The following DOCK2 variants were observed in gnomAD, a reference collection of about 807,000 sequenced individuals.
The protein encoded by DOCK2 is dedicator of cytokinesis protein 2.
A neutral mutation model predicts 248.9 loss-of-function variants in DOCK2; 87 were observed. The observed-to-expected ratio is 0.35, with a 90% CI of 0.29 to 0.42. DOCK2 has a LOEUF of 0.42. Ranked by LOEUF, DOCK2 falls within the 10% of genes least tolerant of loss-of-function variation. DOCK2 has a pLI of 1.00. For missense variants in DOCK2, 1,747 were observed against 2,300.2 expected (o/e 0.76, Z 4.92); for synonymous variants, 805 against 821.6 (o/e 0.98, Z 0.35).
chr5:169,686,911 G>A (rs1349487884), intron 8 of DOCK2, among the ~76,000 whole-genome samples: 1 of 152,162 alleles, frequency 6.6e-6, no homozygotes, highest in African/African-American at 2.4e-5. Flanking sequence ...GTGATGAGGA[G>A]TTGGAATAGT....
At chr5:169,857,164 A>G (rs1444945264) in intron 27 of DOCK2, among the ~76,000 whole-genome samples, 2 of 152,232 alleles carry the variant, frequency 1.3e-5, no homozygotes, top group African/African-American at 4.8e-5. Flanking sequence ...AGAATGGACT[A>G]GGTCACATGT....
chr5:169,869,196 A>T (rs529082842), intron 27 of DOCK2, among the ~76,000 whole-genome samples: 4 of 151,334 alleles, frequency 2.6e-5, no homozygotes, highest in African/African-American at 9.7e-5. Flanking sequence ...CAGCAGCATC[A>T]CTCCTCACCC....
chr5:169,755,971 C>T (rs1246950617), intron 23 of DOCK2, among the ~76,000 whole-genome samples: 1 of 152,128 alleles, frequency 6.6e-6, no homozygotes, highest in East Asian at 1.9e-4. Flanking sequence ...CTGACCGTGA[C>T]AACAGTCTTG....
intron 8 of DOCK2, among the ~76,000 whole-genome samples, chr5:169,686,338 G>A (rs193169562): frequency 6.6e-6 from 1 of 152,332 alleles, no homozygotes; most frequent in Admixed American, 6.5e-5. Flanking sequence ...GACCAGCTCT[G>A]TGGAGGGAGA....
intron 38 of DOCK2, among the ~76,000 whole-genome samples, chr5:170,043,758 GC>G (rs1477274233): frequency 1.3e-5 from 2 of 152,324 alleles, no homozygotes; most frequent in East Asian, 3.9e-4. Context: ...TTGTTTATCA[GC>G]TGATTAAGTA....
chr5:169,911,546 A>G (rs911803988), intron 27 of DOCK2, among the ~76,000 whole-genome samples: 10 of 152,200 alleles, frequency 6.6e-5, no homozygotes, highest in African/African-American at 2.4e-4. Context: ...ACAGTTTGAG[A>G]TAAAACTTTA....
intron 27 of DOCK2, among the ~76,000 whole-genome samples, chr5:169,978,455 A>ATGTT (rs1188338675): frequency 6.8e-6 from 1 of 147,796 alleles, no homozygotes; most frequent in Admixed American, 6.9e-5. Context: ...TTTAAGTTGA[A>ATGTT]TGTTGTACAC....
intron 26 of DOCK2, among the ~76,000 whole-genome samples, chr5:169,838,787 G>A (rs1215919052): frequency 3.3e-5 from 5 of 152,152 alleles, no homozygotes; most frequent in Non-Finnish European, 7.3e-5. Flanking sequence ...GGCTCCACAG[G>A]GCTAGAGAGT....
At chr5:170,013,838 G>A (rs1755403727) in intron 32 of DOCK2, among the ~76,000 whole-genome samples, 1 of 152,050 alleles carries the variant, frequency 6.6e-6, no homozygotes, top group African/African-American at 2.4e-5. Flanking sequence ...CCAGTAGCTG[G>A]GGTTAAAACC....
intron 27 of DOCK2, chr5:169,864,267 AC>A: frequency 1.3e-6 from 2 of 1,551,146 alleles, no homozygotes; most frequent in Non-Finnish European, 8.7e-7. Context: ...GATGGTCCCA[AC>A]CAGCTCAGAT....
chr5:169,901,502 T>C lies in DOCK2; in HGVS notation c.2799+60650T>C, dbSNP rs76878935. Among the ~76,000 whole-genome samples the C allele has an allele frequency of 8.0e-3, 1,224 of 152,286 alleles. 16 individuals carry two copies. Among genetic ancestry groups the C allele is most frequent in the African/African-American group, 0.028 (1,162 of 41,542 alleles). ...CACGTTTGCATTTTAAAATGATTTT[T>C]CTGGTTTTTCTGAGAAAATGGACTG... On this transcript the variant is annotated intron_variant, in intron 27 of 51. Transcript: ENST00000520908.
At chr5:169,791,108 G>A (rs757810563) in intron 25 of DOCK2, among the ~76,000 whole-genome samples, 2 of 152,082 alleles carry the variant, frequency 1.3e-5, no homozygotes, top group Non-Finnish European at 2.9e-5. Context: ...CTAAATACGG[G>A]CCCCTTATTT....
At chr5:169,657,538 A>T (rs1261976278) in intron 2 of DOCK2, among the ~76,000 whole-genome samples, 2 of 152,236 alleles carry the variant, frequency 1.3e-5, no homozygotes, top group African/African-American at 4.8e-5. Flanking sequence ...ATTTATAAAA[A>T]TTGATATTAA....
rs147237758 is a variant in DOCK2, at chr5:169,906,724, T to G, written c.2799+65872T>G. The stretch of plus-strand genomic sequence containing the variant: ...GACCAGTCATCTAAGCCCATTATCT[T>G]TCTGCCAAATCACAGGGAAGACCAT... On this transcript the variant is annotated intron_variant, in intron 27 of 51. Transcript: ENST00000520908. Among the ~76,000 whole-genome samples the G allele has an allele frequency of 2.0e-3, 308 of 152,284 alleles. 1 individual carries two copies. Among genetic ancestry groups the G allele is most frequent in the African/African-American group, 7.0e-3 (293 of 41,562 alleles).
At chr5:169,899,611 C>T (rs1031509528) in intron 27 of DOCK2, among the ~76,000 whole-genome samples, 24 of 152,210 alleles carry the variant, frequency 1.6e-4, no homozygotes, top group Admixed American at 1.1e-3. Flanking sequence ...CTAGGAAGGC[C>T]CTGGGCTTTG....
intron 27 of DOCK2, among the ~76,000 whole-genome samples, chr5:169,894,484 A>C (rs534574461): frequency 1.3e-5 from 2 of 152,316 alleles, no homozygotes; most frequent in South Asian, 4.1e-4. Context: ...ACAGCAAAGC[A>C]TTGGCAGGCA....
chr5:169,947,835 G>A (rs1203045333), intron 27 of DOCK2, among the ~76,000 whole-genome samples: 1 of 151,318 alleles, frequency 6.6e-6, no homozygotes, highest in African/African-American at 2.4e-5. Flanking sequence ...AATACATACA[G>A]CATAAATACC....
In DOCK2 at chr5:169,943,080, G is replaced by A. The variant is rs151104997; in HGVS notation, c.2800-39988G>A. Among the ~76,000 whole-genome samples, 36 of 152,240 alleles carry A rather than the reference G, an allele frequency of 2.4e-4. No individual in the cohort carries two copies. In the East Asian group the frequency reaches 4.8e-3, roughly 20 times the overall value. On this transcript the variant is annotated intron_variant, in intron 27 of 51. Transcript: ENST00000520908. The stretch of plus-strand genomic sequence containing the variant: ...GGAGGAACCTGCAGGTCTTTGGAAC[G>A]CTCTGCAGCTTCTCTATTCCATTCA...
intron 15 of DOCK2, among the ~76,000 whole-genome samples, chr5:169,710,587 C>A (rs1041655060): frequency 1.3e-5 from 2 of 152,230 alleles, no homozygotes; most frequent in African/African-American, 4.8e-5. Context: ...GTGAACACTG[C>A]AGCTTGATCA....
Sources: gnomAD v4.1 joint callset for allele counts (sites outside exome capture counted in the v4.1 genomes callset) on GRCh38, gnomAD v4.1.1 for gene constraint, MANE v1.5 for transcripts, NCBI Gene and HGNC (gene_info 2026-07-23, HGNC 2026-07-21) for gene names.